PRAG1: variants seen among roughly 807,000 people sequenced by gnomAD.
PRAG1 encodes the protein PEAK1 related, kinase-activating pseudokinase 1.
PRAG1 carries 110 observed loss-of-function variants against 95.6 expected under a neutral mutation model. That is an observed-to-expected ratio of 1.15 (90% confidence interval 0.99 to 1.35). The LOEUF (loss-of-function observed/expected upper bound fraction) is 1.35, where lower values mean the gene tolerates loss of function less well. Ranked by LOEUF, PRAG1 falls within the 40% of genes most tolerant of loss-of-function variation. The pLI is 0.00. For missense variants in PRAG1, 2,554 were observed against 1,864.7 expected, an observed-to-expected ratio of 1.37 and a Z score of -6.81; for synonymous variants, 1,052 against 819.4, an observed-to-expected ratio of 1.28 and a Z score of -4.85.
chr8:8,383,154 G>T (rs779838148), intron 1 of PRAG1, among the ~76,000 whole-genome samples: 1 of 152,122 alleles, frequency 6.6e-6, no homozygotes, highest in Non-Finnish European at 1.5e-5. Context: ...AATGAGCCGG[G>T]TACCCCAAAA....
intron 4 of PRAG1, among the ~76,000 whole-genome samples, chr8:8,334,562 C>G (rs1009523306): frequency 6.6e-6 from 1 of 151,606 alleles, no homozygotes; most frequent in Non-Finnish European, 1.5e-5. Context: ...TGTGAGGAGT[C>G]TCTCCAGACC....
At position 8,376,848 on chromosome 8, in the gene PRAG1, G is replaced by C; in HGVS notation, c.1561C>G (p.Gln521Glu). Residue 521 changes from glutamine to glutamate, a missense_variant, in exon 3 of 6, where the codon CAG (glutamine) becomes GAG (glutamate). By Grantham distance (29) the Gln-to-Glu change is conservative (BLOSUM62 2). Coordinates refer to ENST00000615670, the MANE Select transcript of PRAG1 (RefSeq NM_001080826.3). ...TGGCTTTCCCTGGAGCTCAGCCCCT[G>C]CCCAGCCGAAGTCTCCTCTTCACCT... Reference protein sequence around the residue: ...EVGEEETSAGQGLSSRESHAH... With the variant: ...EVGEEETSAGEGLSSRESHAH... 1.9e-6 allele frequency: 3 copies of C among 1,612,936 alleles called. No homozygotes were observed. The highest frequency in any genetic ancestry group is 2.5e-6 in the Non-Finnish European group (3 of 1,180,020).
At chr8:8,343,561 G>A (rs10098387) in intron 3 of PRAG1, among the ~76,000 whole-genome samples, 6,067 of 152,272 alleles carry the variant, frequency 0.04, 410 homozygotes, top group African/African-American at 0.14. Flanking sequence ...TTTCAGATGT[G>A]TGTTTGTTGG....
At chr8:8,353,973 G>T (rs903558882) in intron 3 of PRAG1, among the ~76,000 whole-genome samples, 2 of 149,914 alleles carry the variant, frequency 1.3e-5, no homozygotes, top group African/African-American at 4.9e-5. Context: ...AGCCACATAA[G>T]GAAAAAAAAA....
chr8:8,339,469 G>A lies in PRAG1; in HGVS notation c.2320+9C>T, dbSNP rs1410819546. 1 of 1,613,304 alleles carries A rather than the reference G, an allele frequency of 6.2e-7. No homozygotes were observed. Among genetic ancestry groups the A allele is most frequent in the Non-Finnish European group, 8.5e-7 (1 of 1,179,510 alleles). On this transcript the variant is annotated intron_variant, in intron 4 of 5. Transcript: ENST00000615670. Reference sequence around the variant, plus strand: ...ATCTAAGCCTCTCCGTCAATGTCAAGTTTGTTACCTCCATCGCTGCAGGTC... The same window carrying A: ...ATCTAAGCCTCTCCGTCAATGTCAAATTTGTTACCTCCATCGCTGCAGGTC...
chr8:8,377,181 C>A lies in PRAG1; in HGVS notation c.1228G>T (p.Glu410Ter), dbSNP rs1271027664. 1 of 1,611,764 alleles carries A rather than the reference C, an allele frequency of 6.2e-7. No individual in the cohort carries two copies. The highest frequency in any genetic ancestry group is 8.5e-7 in the Non-Finnish European group (1 of 1,179,794). Residue 410 changes from glutamate (E) to a stop codon, truncating the protein, a stop_gained, in exon 3 of 6, where the codon GAA becomes TAA. Coordinates refer to ENST00000615670, the MANE Select transcript of PRAG1 (RefSeq NM_001080826.3). LOFTEE classifies it high-confidence loss of function. ...PAHPREATQP[E>*]PIYAESTKRK... ...TTGGTGCTCTCAGCATAGATGGGTT[C>A]AGGCTGTGTAGCCTCCCGGGGGTGG...
chr8:8,355,477 A>G (rs1048177526), intron 3 of PRAG1, among the ~76,000 whole-genome samples: 8 of 152,186 alleles, frequency 5.3e-5, no homozygotes, highest in African/African-American at 1.9e-4. Context: ...TTGAGAAAGA[A>G]AAAAGGAAAG....
chr8:8,326,205 C>A (rs1431263255), intron 5 of PRAG1, among the ~76,000 whole-genome samples: 1 of 146,996 alleles, frequency 6.8e-6, no homozygotes, highest in East Asian at 2.0e-4. Context: ...ATTATTACTA[C>A]TATTAATTAC....
chr8:8,319,359 A>G, intron 5 of PRAG1, 57 bp from the exon 6 acceptor site: 1 of 1,416,594 alleles, frequency 7.1e-7, no homozygotes. Context: ...CGCCCAGCAA[A>G]GAGTGTGGAA....
At chr8:8,328,592 TTTCTC>T in intron 4 of PRAG1, 131 bp from the exon 5 acceptor site, 10 of 1,027,624 alleles carry the variant, frequency 9.7e-6, no homozygotes, top group Middle Eastern at 3.0e-4. Flanking sequence ...TTCTTTTCTA[TTTCTC>T]TAATAGACAA....
At chr8:8,358,544 C>A (rs1048547097) in intron 3 of PRAG1, among the ~76,000 whole-genome samples, 2 of 152,200 alleles carry the variant, frequency 1.3e-5, no homozygotes, top group Non-Finnish European at 2.9e-5. Context: ...CAAGGGGCTG[C>A]CAGCCCTCAG....
chr8:8,377,403 T>C lies in PRAG1; in HGVS notation c.1006A>G (p.Ile336Val), dbSNP rs1800453295. Residue 336 changes from isoleucine to valine, a missense_variant, in exon 3 of 6, where the codon ATT (isoleucine) becomes GTT (valine). Coordinates refer to ENST00000615670, the MANE Select transcript of PRAG1 (RefSeq NM_001080826.3). ...CCACAAGAGAGGCCGTCGGAAGAAA[T>C]GGCAGCCTCCGAGGTGAGGGACAGT... ...KKLSLTSEAA[I>V]SSDGLSCGSG... 3.8e-6 allele frequency: 6 copies of C among 1,579,488 alleles called. No individual in the cohort carries two copies. Among genetic ancestry groups the C allele is most frequent in the Non-Finnish European group, 5.2e-6 (6 of 1,164,026 alleles).
chr8:8,327,979 G>C lies in PRAG1; in HGVS notation c.2803C>G (p.Gln935Glu). 1 of 1,600,100 alleles carries C rather than the reference G, an allele frequency of 6.2e-7. No homozygotes were observed. The highest frequency in any genetic ancestry group is 1.3e-5 in the African/African-American group (1 of 74,702). ...CTCAGGAGACCGTGCAGCTGAAGCT[G>C]GGTGCTCCCGGTGGAGGCTTGACTG... ...VSSQASTGSTQLQLHGLLSNI... is the reference protein window; with the variant it reads ...VSSQASTGSTELQLHGLLSNI... Residue 935 changes from glutamine to glutamate, a missense_variant, in exon 5 of 6, where the codon CAG (glutamine) becomes GAG (glutamate). Transcript: ENST00000615670.
At chr8:8,320,345 G>C (rs2980503) in intron 5 of PRAG1, among the ~76,000 whole-genome samples, 1 of 151,892 alleles carries the variant, frequency 6.6e-6, no homozygotes, top group Non-Finnish European at 1.5e-5. Context: ...GAAGGTCTCA[G>C]GCTTCTCTGT....
At chr8:8,356,062 T>A (rs1437993652) in intron 3 of PRAG1, among the ~76,000 whole-genome samples, 2 of 152,170 alleles carry the variant, frequency 1.3e-5, no homozygotes, top group Admixed American at 1.3e-4. Context: ...TATGAAGAAT[T>A]CTTACAACTC....
At chr8:8,358,228 T>C (rs957837181) in intron 3 of PRAG1, among the ~76,000 whole-genome samples, 2 of 152,130 alleles carry the variant, frequency 1.3e-5, no homozygotes, top group African/African-American at 2.4e-5. Context: ...TCACAAAGGA[T>C]ACAGAAGAAG....
intron 5 of PRAG1, among the ~76,000 whole-genome samples, chr8:8,326,849 C>T (rs764483621): frequency 6.6e-6 from 1 of 152,334 alleles, no homozygotes; most frequent in South Asian, 2.1e-4. Context: ...GATCCTCCAT[C>T]TGTAAAACCT....
chr8:8,347,732 T>G (rs781574188), intron 3 of PRAG1, among the ~76,000 whole-genome samples: 1 of 152,316 alleles, frequency 6.6e-6, no homozygotes, highest in East Asian at 1.9e-4. Flanking sequence ...TTAACAGAGC[T>G]GACAAGATCC....
At position 8,319,179 on chromosome 8, in the gene PRAG1, G is replaced by A. The variant is rs780127570; in HGVS notation, c.3196C>T (p.Pro1066Ser). 1.2e-6 allele frequency: 2 copies of A among 1,603,702 alleles called. No homozygotes were observed. Among genetic ancestry groups the A allele is most frequent in the Non-Finnish European group, 1.7e-6 (2 of 1,174,064 alleles). Residue 1066 changes from proline (P) to serine (S), a missense_variant, in exon 6 of 6, where the codon CCC becomes TCC. Transcript: ENST00000615670. ...GGCACAGGGTCCTTGGGCGCGTCGG[G>A]GGAGCTGAGCATGCTGGACGGCACC... is the stretch of plus-strand genomic sequence containing the variant. ...ASVPSSMLSS[P>S]DAPKDPVPAL...
Sources: gnomAD v4.1 joint callset for allele counts (sites outside exome capture counted in the v4.1 genomes callset) on GRCh38, gnomAD v4.1.1 for gene constraint, MANE v1.5 for transcripts, NCBI Gene and HGNC (gene_info 2026-07-23, HGNC 2026-07-21) for gene names.